Variants in GLI2 observed in about 807,000 individuals in gnomAD.
GLI2 encodes transcription activator GLI2.
GLI2 carries 22 observed loss-of-function variants against 78.9 expected under a neutral mutation model. That is an observed-to-expected ratio of 0.28 (90% CI 0.20 to 0.40). The LOEUF is 0.40. Ranked by LOEUF, GLI2 falls within the 10% of genes least tolerant of loss-of-function variation. The pLI, the probability that GLI2 is intolerant of heterozygous loss-of-function variation, is 1.00. For synonymous variants in GLI2, 974 were observed against 963.7 expected (o/e 1.01, Z -0.20); for missense variants, 2,097 against 2,213.2 (o/e 0.95, Z 1.05).
At chr2:120,958,424 C>T (rs1681382180) in intron 5 of GLI2, among the ~76,000 whole-genome samples, 1 of 152,158 alleles carries the variant, frequency 6.6e-6, no homozygotes, top group Admixed American at 6.5e-5. Flanking sequence ...CTTGCCATCT[C>T]CCATCCATCC....
At chr2:120,949,248 A>G (rs185236965) in intron 3 of GLI2, among the ~76,000 whole-genome samples, 2 of 152,320 alleles carry the variant, frequency 1.3e-5, no homozygotes, top group African/African-American at 4.8e-5. Context: ...TGCAGTTCCC[A>G]TGCAGAGGCA....
intron 1 of GLI2, among the ~76,000 whole-genome samples, chr2:120,759,231 C>T (rs542677525): frequency 1.3e-5 from 2 of 152,288 alleles, no homozygotes; most frequent in East Asian, 1.9e-4. Flanking sequence ...GCACTTCTGC[C>T]GTGAATACCA....
At chr2:120,964,435 C>G (rs1169875083) in intron 5 of GLI2, among the ~76,000 whole-genome samples, 1 of 152,202 alleles carries the variant, frequency 6.6e-6, no homozygotes. Context: ...TTGCAGTGAG[C>G]ACTGTGGATT....
chr2:120,809,324 A>G (rs1168154961), intron 2 of GLI2, among the ~76,000 whole-genome samples: 1 of 152,234 alleles, frequency 6.6e-6, no homozygotes, highest in Non-Finnish European at 1.5e-5. Flanking sequence ...AAATCCATAG[A>G]GACAGAAGGG....
rs1687917606 is a variant in GLI2 at position 120,861,816 on chromosome 2, G to T, written c.148+64348G>T. On this transcript the variant is annotated intron_variant, in intron 2 of 13. Coordinates refer to ENST00000361492, the MANE Select transcript of GLI2 (RefSeq NM_001374353.1). ...TAAGTGCTAATATGCTCACTAGCTG[G>T]CCTGTCCACCCCACAGACTCATTAC... Among the ~76,000 whole-genome samples, 3 of 152,210 alleles carry T rather than the reference G, an allele frequency of 2.0e-5. No homozygotes were observed. In the South Asian group the frequency reaches 6.2e-4, roughly 32 times the overall value.
intron 2 of GLI2, among the ~76,000 whole-genome samples, chr2:120,887,014 A>G (rs1677445360): frequency 6.6e-6 from 1 of 152,194 alleles, no homozygotes; most frequent in African/African-American, 2.4e-5. Context: ...CATGGTGAAA[A>G]TACTCATCCA....
intron 1 of GLI2, among the ~76,000 whole-genome samples, chr2:120,740,486 C>G (rs1364425893): frequency 6.6e-6 from 1 of 151,036 alleles, no homozygotes; most frequent in Non-Finnish European, 1.5e-5. Flanking sequence ...CTGTGAGTGC[C>G]GGGTTTCAGC....
rs769520234 is a variant in GLI2 at position 120,803,097 on chromosome 2, T to C, written c.148+5629T>C. ...TAGACACAGAGCTGCAGTGCAGAGA[T>C]TACAGGAGACTTCTGATGTGCTTAC... On this transcript the variant is annotated intron_variant, in intron 2 of 13. Transcript: ENST00000361492. 3.0e-4 allele frequency among the ~76,000 whole-genome samples: 45 copies of C among 152,360 alleles called. 1 individual carries two copies. The highest frequency in any genetic ancestry group is 8.7e-4 in the African/African-American group (36 of 41,568).
intron 1 of GLI2, among the ~76,000 whole-genome samples, chr2:120,736,790 T>G (rs1682370821): frequency 6.6e-6 from 1 of 151,924 alleles, no homozygotes; most frequent in Admixed American, 6.5e-5. Context: ...CCCGGAGCCC[T>G]GCCTTTCTTT....
intron 2 of GLI2, among the ~76,000 whole-genome samples, chr2:120,835,695 GTT>G (rs1171938322): frequency 6.6e-6 from 1 of 152,022 alleles, no homozygotes; most frequent in African/African-American, 2.4e-5. Context: ...CAGACTATCT[GTT>G]TTGACCTTAC....
intron 1 of GLI2, among the ~76,000 whole-genome samples, chr2:120,757,549 C>T (rs1683070043): frequency 6.6e-6 from 1 of 152,246 alleles, no homozygotes; most frequent in African/African-American, 2.4e-5. Context: ...CTCATCCTCT[C>T]AGCTGGATCT....
intron 5 of GLI2, 32 bp downstream of exon 5, chr2:120,955,462 G>A (rs766913424): frequency 5.0e-6 from 7 of 1,409,848 alleles, no homozygotes; most frequent in Non-Finnish European, 6.8e-6. Flanking sequence ...CTGAGGATGG[G>A]GCTAGCAGAT....
At chr2:120,887,846 C>T (rs1677487711) in intron 2 of GLI2, among the ~76,000 whole-genome samples, 1 of 152,158 alleles carries the variant, frequency 6.6e-6, no homozygotes, top group Admixed American at 6.5e-5. Context: ...CTTGAGAGGG[C>T]CCGGGGATCC....
chr2:120,803,891 AG>A (rs1438663338), intron 2 of GLI2, among the ~76,000 whole-genome samples: 1 of 152,068 alleles, frequency 6.6e-6, no homozygotes, highest in Non-Finnish European at 1.5e-5. Context: ...CAAGAGTCTC[AG>A]GGGGGGAGAC....
chr2:120,822,443 C>G (rs1385816587), intron 2 of GLI2, among the ~76,000 whole-genome samples: 1 of 152,226 alleles, frequency 6.6e-6, no homozygotes, highest in Non-Finnish European at 1.5e-5. Flanking sequence ...CTCACAGGGT[C>G]CTTGCATGAA....
At chr2:120,915,188 T>C (rs1451778049) in intron 2 of GLI2, among the ~76,000 whole-genome samples, 2 of 152,200 alleles carry the variant, frequency 1.3e-5, no homozygotes, top group African/African-American at 4.8e-5. Context: ...TTTCGGCAGC[T>C]AATTTGTCAA....
chr2:120,884,702 A>G (rs1677310799), intron 2 of GLI2, among the ~76,000 whole-genome samples: 1 of 152,104 alleles, frequency 6.6e-6, no homozygotes, highest in Non-Finnish European at 1.5e-5. Flanking sequence ...ACCCGCCCCT[A>G]AGCTGAGTGA....
In GLI2 at chr2:120,951,293, G is replaced by C. The variant is rs148442092; in HGVS notation, c.305G>C (p.Arg102Pro). 2.5e-6 allele frequency: 4 copies of C among 1,612,544 alleles called. No individual in the cohort carries two copies. Among genetic ancestry groups the C allele is most frequent in the Non-Finnish European group, 3.4e-6 (4 of 1,178,734 alleles). The change falls in exon 4 of 14, where the codon CGG (arginine) becomes CCG (proline). Residue 102 changes from arginine (R) to proline (P), a missense_variant. This residue lies in a region of GLI2 where 578 missense variants were observed against 612.0 expected (regional missense o/e 0.94). Coordinates refer to ENST00000361492, the MANE Select transcript of GLI2 (RefSeq NM_001374353.1). ...SPVISDISLI[R>P]LSPHPAGPGE... The stretch of plus-strand genomic sequence containing the variant: ...GTCATCTCTGACATCTCCTTGATCC[G>C]GCTTTCCCCGCACCCGGCTGGCCCT...
At position 120,970,454 on chromosome 2, in the gene GLI2, C is replaced by G. The variant is rs1312645919; in HGVS notation, c.907C>G (p.Gln303Glu). 1.2e-6 allele frequency: 2 copies of G among 1,613,822 alleles called. No homozygotes were observed. The highest frequency in any genetic ancestry group is 1.3e-5 in the African/African-American group (1 of 74,878). ...GGCCTACCAGCAGATTCTGAGCCAG[C>G]AGAGGGGTCTGGGGTCAGCCTTTGG... ...PVAYQQILSQQRGLGSAFGHT... is the reference protein window; with the variant it reads ...PVAYQQILSQERGLGSAFGHT... Residue 303 changes from glutamine (Q) to glutamate (E), a missense_variant, in exon 7 of 14, where the codon CAG becomes GAG. By Grantham distance (29) the Gln-to-Glu change is conservative. Transcript: ENST00000361492.
Sources: allele counts gnomAD v4.1 joint callset (sites outside exome capture counted in the v4.1 genomes callset), GRCh38; gene constraint gnomAD v4.1.1; regional missense constraint gnomAD v4.1.1; transcripts MANE v1.5; gene names NCBI Gene and HGNC (gene_info 2026-07-23, HGNC 2026-07-21).